Variants in CPB2 observed in about 807,000 individuals in gnomAD.
CPB2 encodes carboxypeptidase B2, also known as carboxypeptidase B-like protein.
A neutral mutation model predicts 57.0 loss-of-function variants in CPB2; 54 were observed. The ratio of observed to expected loss-of-function variants is 0.95; its 90% CI spans 0.76 to 1.19. The LOEUF (loss-of-function observed/expected upper bound fraction) is 1.19. Among genes scored for constraint, CPB2 ranks in the 50% most tolerant of loss-of-function variants. CPB2 has a pLI of 0.00. For missense variants in CPB2, 426 were observed against 512.0 expected (o/e 0.83, Z 1.62); for synonymous variants, 189 against 178.1 (o/e 1.06, Z -0.49).
At chr13:46,061,932 ATTC>A (rs1302281700) in intron 8 of CPB2, among the ~76,000 whole-genome samples, 4 of 152,046 alleles carry the variant, frequency 2.6e-5, no homozygotes, top group African/African-American at 9.7e-5. Flanking sequence ...AAAAGATTAA[ATTC>A]TTCTTTCTCA....
intron 8 of CPB2, among the ~76,000 whole-genome samples, chr13:46,063,293 T>C (rs2044803164): frequency 6.6e-6 from 1 of 152,188 alleles, no homozygotes; most frequent in South Asian, 2.1e-4. Context: ...ACCACTTAGG[T>C]ACTTTTTCAA....
At position 46,058,266 on chromosome 13, in the gene CPB2, T is replaced by C. The variant is rs2044724188; in HGVS notation, c.912A>G (p.Lys304=). Residue 304 remains lysine, a synonymous_variant, in exon 9 of 11, where the codon AAA becomes AAG. Transcript: ENST00000181383. ...SFLRRNINQI[K]AYISMHSYSQ... ...AGTATGAATGCATGCTGATGTATGC[T>C]TTAATCTGGTTGATATTTCTTCTCA... 6.2e-7 allele frequency: 1 copy of C among 1,613,898 alleles called. No individual in the cohort carries two copies. The highest frequency in any genetic ancestry group is 8.5e-7 in the Non-Finnish European group (1 of 1,179,744).
In CPB2 at chr13:46,084,218, C is replaced by A; in HGVS notation, c.275+1G>T. ...CTCAATACGTATTGAACGGTGCCTACCTGCATGGAATTCCGCTCACATTTA... is the reference window on the plus strand; with the variant it reads ...CTCAATACGTATTGAACGGTGCCTAACTGCATGGAATTCCGCTCACATTTA... On this transcript the variant is annotated splice_donor_variant, in intron 3 of 10. Coordinates refer to ENST00000181383, the MANE Select transcript of CPB2 (RefSeq NM_001872.5). LOFTEE classifies it high-confidence loss of function. The A allele has an allele frequency of 6.2e-7, 1 of 1,614,074 alleles. No individual in the cohort carries two copies. Among genetic ancestry groups the A allele is most frequent in the Non-Finnish European group, 8.5e-7 (1 of 1,179,980 alleles).
rs146562431 is a variant in CPB2, at chr13:46,101,930, G to T, written c.74+3006C>A. Among the ~76,000 whole-genome samples the T allele has an allele frequency of 2.9e-3, 444 of 152,308 alleles. 2 individuals are homozygous for T. The highest frequency in any genetic ancestry group is 4.1e-3 in the Non-Finnish European group (277 of 68,022). On this transcript the variant is annotated intron_variant, in intron 1 of 10. Coordinates refer to ENST00000181383, the MANE Select transcript of CPB2 (RefSeq NM_001872.5). Reference sequence around the variant, plus strand: ...GGTTCACACTTTCACCATTCTGAAAGATTATTTTGAATTTAAAAAGCTGGC... The same window carrying T: ...GGTTCACACTTTCACCATTCTGAAATATTATTTTGAATTTAAAAAGCTGGC...
intron 1 of CPB2, chr13:46,100,524 C>T (rs1055729664): frequency 2.6e-5 from 4 of 152,020 alleles, no homozygotes; most frequent in African/African-American, 9.7e-5. Flanking sequence ...TGTAAGTCAC[C>T]ACCCTCCCAA....
chr13:46,104,020 C>G (rs547051609), intron 1 of CPB2, among the ~76,000 whole-genome samples: 2 of 152,332 alleles, frequency 1.3e-5, no homozygotes, highest in South Asian at 4.1e-4. Context: ...GTTCAGTGAT[C>G]ATGTACAAAC....
At chr13:46,068,170 C>T (rs1009399983) in intron 6 of CPB2, among the ~76,000 whole-genome samples, 3 of 152,072 alleles carry the variant, frequency 2.0e-5, no homozygotes, top group African/African-American at 7.2e-5. Flanking sequence ...TAATTTGTGG[C>T]AACATTGCTA....
At chr13:46,085,896 G>T (rs528885828) in intron 2 of CPB2, among the ~76,000 whole-genome samples, 1 of 152,184 alleles carries the variant, frequency 6.6e-6, no homozygotes, top group Non-Finnish European at 1.5e-5. Context: ...CACTCATCTC[G>T]TGCTACTGGC....
chr13:46,081,626 G>A (rs1055900053), intron 4 of CPB2, among the ~76,000 whole-genome samples: 1 of 152,148 alleles, frequency 6.6e-6, no homozygotes, highest in African/African-American at 2.4e-5. Context: ...CTAAGTCTTA[G>A]ATGTCTTAAA....
At chr13:46,093,298 G>T (rs187182064) in intron 1 of CPB2, among the ~76,000 whole-genome samples, 1 of 152,314 alleles carries the variant, frequency 6.6e-6, no homozygotes, top group East Asian at 1.9e-4. Flanking sequence ...AGTCTATGGA[G>T]AGACTTGCTT....
intron 7 of CPB2, among the ~76,000 whole-genome samples, chr13:46,066,844 CA>C (rs35694352): frequency 0.017 from 1,685 of 99,302 alleles, 8 homozygotes; most frequent in African/African-American, 0.033. Context: ...GACACCATCT[CA>C]AAAAAAAAAA....
At chr13:46,062,802 G>A (rs369013354) in intron 8 of CPB2, among the ~76,000 whole-genome samples, 2 of 152,320 alleles carry the variant, frequency 1.3e-5, no homozygotes, top group East Asian at 3.9e-4. Flanking sequence ...GTGCTTTGTT[G>A]TGAGGTTTGG....
intron 5 of CPB2, among the ~76,000 whole-genome samples, chr13:46,076,177 G>T (rs548108450): frequency 6.6e-6 from 1 of 152,034 alleles, no homozygotes; most frequent in Non-Finnish European, 1.5e-5. Flanking sequence ...GAAATAAAAG[G>T]CATCTAAATT....
Position 46,064,672 on chromosome 13 carries a change from TCC to T in CPB2, c.770_771del (p.Arg257LysfsTer9), listed in dbSNP as rs778494182. 6.2e-7 allele frequency: 1 copy of T among 1,613,990 alleles called. No homozygotes were observed. The highest frequency in any genetic ancestry group is 1.3e-5 in the African/African-American group (1 of 74,918). On this transcript the variant is annotated frameshift_variant, in exon 8 of 11. Transcript: ENST00000181383. LOFTEE classifies it high-confidence loss of function. ...CCACACCAGTGTTTGGAAGCAAAGTTCCTATTCAGGTCTGTTCCGATGCAATG... is the reference window on the plus strand; with the variant it reads ...CCACACCAGTGTTTGGAAGCAAAGTTTATTCAGGTCTGTTCCGATGCAATG... ...NNHCIGTDLNRNFASKHWCEE... is the reference protein window; with the variant it reads ...NNHCIGTDLNXNFASKHWCEE...
At chr13:46,098,048 G>A (rs2045389960) in intron 1 of CPB2, among the ~76,000 whole-genome samples, 1 of 152,204 alleles carries the variant, frequency 6.6e-6, no homozygotes, top group Admixed American at 6.5e-5. Context: ...GGACATTGAG[G>A]GCTGCACTTA....
At position 46,079,547 on chromosome 13, in the gene CPB2, AAAAAAAAAG is replaced by A. The variant is rs1471013535; in HGVS notation, c.385-655_385-647del. ...GGGAAGGAAAAAGCAAAAAAAAAAAAAAAAAAAAGAAAAGAAAAGAAAAGAAAAAAATTC... is the reference window on the plus strand; with the variant it reads ...GGGAAGGAAAAAGCAAAAAAAAAAAAAAAAGAAAAGAAAAGAAAAAAATTC... On this transcript the variant is annotated intron_variant, in intron 4 of 10. Coordinates refer to ENST00000181383, the MANE Select transcript of CPB2 (RefSeq NM_001872.5). 3.5e-3 allele frequency among the ~76,000 whole-genome samples: 516 copies of A among 148,260 alleles called. 2 individuals are homozygous for A. The highest frequency in any genetic ancestry group is 0.012 in the African/African-American group (477 of 39,748).
At chr13:46,056,501 A>C (rs986650859) in intron 9 of CPB2, among the ~76,000 whole-genome samples, 3 of 152,200 alleles carry the variant, frequency 2.0e-5, no homozygotes, top group Admixed American at 1.3e-4. Context: ...CATGGTATAC[A>C]CTGTCACCTT....
intron 1 of CPB2, chr13:46,099,917 C>A (rs1295799847): frequency 6.6e-6 from 1 of 152,080 alleles, no homozygotes; most frequent in African/African-American, 2.4e-5. Context: ...CCCAGCTACT[C>A]AGAAGGCTGA....
At chr13:46,088,002 C>T (rs2045236517) in intron 1 of CPB2, among the ~76,000 whole-genome samples, 182 bp from the exon 2 acceptor site, 1 of 152,174 alleles carries the variant, frequency 6.6e-6, no homozygotes, top group Non-Finnish European at 1.5e-5. Context: ...TCTTTATGCT[C>T]CTAAGCAATT....
Sources: gnomAD v4.1 joint callset for allele counts (sites outside exome capture counted in the v4.1 genomes callset) on GRCh38, gnomAD v4.1.1 for gene constraint, MANE v1.5 for transcripts, NCBI Gene and HGNC (gene_info 2026-07-23, HGNC 2026-07-21) for gene names.